Variants in PIGF observed in about 807,000 individuals in gnomAD.
The protein encoded by PIGF is GPI ethanolamine phosphate transferase, stabilizing subunit.
Under a neutral mutation model 26.0 loss-of-function variants are expected in PIGF, and 23 were observed. The observed-to-expected ratio is 0.88, with a 90% CI of 0.64 to 1.25. The LOEUF is 1.25. Among genes scored for constraint, PIGF ranks in the 50% most tolerant of loss-of-function variants. PIGF has a pLI of 0.00. For missense variants in PIGF, 278 were observed against 249.9 expected, an observed-to-expected ratio of 1.11 and a Z score of -0.76; for synonymous variants, 93 against 92.6, an observed-to-expected ratio of 1.00 and a Z score of -0.03.
At chr2:46,587,704 T>C (rs1258042647) in intron 5 of PIGF, among the ~76,000 whole-genome samples, 1 of 152,162 alleles carries the variant, frequency 6.6e-6, no homozygotes, top group Non-Finnish European at 1.5e-5. Flanking sequence ...AAGTCCATAG[T>C]TTAAAGGCAT....
intron 5 of PIGF, among the ~76,000 whole-genome samples, chr2:46,584,253 C>G (rs905672535): frequency 6.6e-6 from 1 of 151,940 alleles, no homozygotes; most frequent in Admixed American, 6.6e-5. Context: ...AACTTTTTAC[C>G]TTAGTAGTTT....
chr2:46,612,133 C>G (rs1670440138), intron 4 of PIGF, 95 bp downstream of exon 4: 2 of 416,156 alleles, frequency 4.8e-6, no homozygotes, highest in Admixed American at 9.0e-5. Context: ...CAATGAGAAG[C>G]ACTCAGAATA....
intron 4 of PIGF, among the ~76,000 whole-genome samples, chr2:46,606,235 G>A (rs1052616744): frequency 2.6e-5 from 4 of 152,148 alleles, no homozygotes; most frequent in Non-Finnish European, 4.4e-5. Flanking sequence ...TCCTTACTTT[G>A]TCCTCTAGCT....
chr2:46,602,266 T>C (rs1206467368), intron 4 of PIGF, among the ~76,000 whole-genome samples: 1 of 151,954 alleles, frequency 6.6e-6, no homozygotes, highest in African/African-American at 2.4e-5. Context: ...CTTTTAGTTA[T>C]GTATAAAATC....
At chr2:46,598,569 G>A (rs974167090) in intron 4 of PIGF, among the ~76,000 whole-genome samples, 5 of 118,338 alleles carry the variant, frequency 4.2e-5, no homozygotes, top group African/African-American at 1.1e-4. Context: ...ATCAGCTATC[G>A]TGAGTGTTAA....
intron 4 of PIGF, among the ~76,000 whole-genome samples, chr2:46,595,413 T>C (rs1669853786): frequency 6.6e-6 from 1 of 152,256 alleles, no homozygotes; most frequent in South Asian, 2.1e-4. Context: ...GGTTCATCCA[T>C]GTTGCAGCAT....
intron 4 of PIGF, among the ~76,000 whole-genome samples, chr2:46,611,965 T>C (rs538385374): frequency 7.3e-5 from 11 of 151,256 alleles, no homozygotes; most frequent in Admixed American, 2.0e-4. Flanking sequence ...TCTTCTTCTT[T>C]TTTTTTTTAA....
chr2:46,596,863 T>C (rs1476464772), intron 4 of PIGF, among the ~76,000 whole-genome samples: 2 of 152,202 alleles, frequency 1.3e-5, no homozygotes, highest in Admixed American at 1.3e-4. Context: ...GTTATGATGA[T>C]TATAAAACTG....
chr2:46,614,949 T>C lies in PIGF; in HGVS notation c.216A>G (p.Ser72=). 1 of 1,508,634 alleles carries C rather than the reference T, an allele frequency of 6.6e-7. No homozygotes were observed. The highest frequency in any genetic ancestry group is 9.2e-7 in the Non-Finnish European group (1 of 1,084,130). 93.5% of individuals were successfully genotyped at this position (1,508,634 alleles called of 1,614,324 possible). Residue 72 remains serine, a synonymous_variant, in exon 2 of 6, where the codon TCA becomes TCG. Transcript: ENST00000281382. ...VKPNTSSKRS[S]LSHKVTGFLK... is the part of the protein sequence containing the mutation. Reference sequence around the variant, plus strand: ...ACATAAGCCTTACCTTGTGTGATAATGAACTTCTTTTAGAGGATGTATTTG... The same window carrying C: ...ACATAAGCCTTACCTTGTGTGATAACGAACTTCTTTTAGAGGATGTATTTG...
chr2:46,606,259 C>T (rs1366966893), intron 4 of PIGF, among the ~76,000 whole-genome samples: 1 of 152,168 alleles, frequency 6.6e-6, no homozygotes, highest in Non-Finnish European at 1.5e-5. Flanking sequence ...CAGATCCCCT[C>T]GCAAGAGACA....
rs546835186 is a variant in PIGF, at chr2:46,614,147, A to G, written c.229-362T>C. 1.1e-4 allele frequency: 17 copies of G among 158,370 alleles called. No homozygotes were observed. The Middle Eastern group carries it at 0.015, about 141-fold the overall frequency. The allele number at this position is 158,370 out of a possible 1,614,324, so 9.8% of individuals were successfully genotyped here. ...AAAATACAGTATTATGCGATGATAG[A>G]GGAAATATCTGCAGAAAATAACAAT... is the stretch of plus-strand genomic sequence containing the variant. On this transcript the variant is annotated intron_variant, in intron 2 of 5. Coordinates refer to ENST00000281382, the MANE Select transcript of PIGF (RefSeq NM_002643.4).
intron 4 of PIGF, among the ~76,000 whole-genome samples, chr2:46,602,595 A>G (rs1412711519): frequency 6.6e-6 from 1 of 151,898 alleles, no homozygotes; most frequent in African/African-American, 2.4e-5. Flanking sequence ...AATACACACA[A>G]AACTCTACTG....
At chr2:46,607,289 C>T (rs1225771560) in intron 4 of PIGF, among the ~76,000 whole-genome samples, 1 of 152,132 alleles carries the variant, frequency 6.6e-6, no homozygotes, top group Non-Finnish European at 1.5e-5. Context: ...AATAGGCAAC[C>T]CTTCTCATGT....
chr2:46,614,663 T>C (rs1432575866), intron 2 of PIGF: 1 of 250,260 alleles, frequency 4.0e-6, no homozygotes, highest in Admixed American at 4.9e-5. Flanking sequence ...CGTATTTATT[T>C]TCAATGGTGA....
rs80210269 is a variant in PIGF at position 46,598,844 on chromosome 2, T to C, written c.438-6261A>G. 1.3e-3 allele frequency among the ~76,000 whole-genome samples: 193 copies of C among 152,256 alleles called. 5 individuals are homozygous for C. In the East Asian group the frequency reaches 0.017, roughly 13 times the overall value. On this transcript the variant is annotated intron_variant, in intron 4 of 5. Coordinates refer to ENST00000281382, the MANE Select transcript of PIGF (RefSeq NM_002643.4). The stretch of plus-strand genomic sequence containing the variant: ...TCTATGGTATACAGTTATATCTCAA[T>C]AACACTATTTTTAAACAACAGCAAC...
At chr2:46,585,054 A>C (rs968106848) in intron 5 of PIGF, among the ~76,000 whole-genome samples, 1 of 152,232 alleles carries the variant, frequency 6.6e-6, no homozygotes, top group Non-Finnish European at 1.5e-5. Flanking sequence ...GTTTCTATTC[A>C]ACGTTCTTCA....
intron 4 of PIGF, among the ~76,000 whole-genome samples, chr2:46,611,740 C>G (rs551406721): frequency 6.6e-6 from 1 of 152,188 alleles, no homozygotes; most frequent in Non-Finnish European, 1.5e-5. Context: ...GAAATGAAAT[C>G]TCATAAAACT....
chr2:46,601,337 A>G (rs1038700342), intron 4 of PIGF, among the ~76,000 whole-genome samples: 3 of 152,130 alleles, frequency 2.0e-5, no homozygotes, highest in African/African-American at 7.2e-5. Flanking sequence ...TGTCCAAATT[A>G]TTTGACTCCA....
intron 4 of PIGF, among the ~76,000 whole-genome samples, chr2:46,609,598 T>C (rs1049844546): frequency 3.9e-5 from 6 of 152,170 alleles, no homozygotes; most frequent in African/African-American, 1.4e-4. Context: ...GAGAGACAAG[T>C]AAAATTTTCC....
Sources: allele counts gnomAD v4.1 joint callset (sites outside exome capture counted in the v4.1 genomes callset), GRCh38; gene constraint gnomAD v4.1.1; transcripts MANE v1.5; gene names NCBI Gene and HGNC (gene_info 2026-07-23, HGNC 2026-07-21).